AQP7: variants seen among roughly 807,000 people sequenced by gnomAD.
AQP7 encodes the protein aquaporin-7.
AQP7 carries 22 observed loss-of-function variants against 26.1 expected under a neutral mutation model. The observed-to-expected ratio is 0.84, with a 90% CI of 0.60 to 1.20. The LOEUF (loss-of-function observed/expected upper bound fraction) is 1.20, where lower values mean the gene tolerates loss of function less well. Ranked by LOEUF, AQP7 falls within the 50% of genes most tolerant of loss-of-function variation. AQP7 has a pLI of 0.00. For missense variants in AQP7, 412 were observed against 457.5 expected (o/e 0.90, Z 0.91); for synonymous variants, 167 against 181.7 (o/e 0.92, Z 0.65).
chr9:33,401,224 G>C lies in AQP7; in HGVS notation c.26+13C>G. ...CAGGGGGCTGGAGGGTGAGAAGAGGGTGGGGTACTTACCGCCTGTGCCCGG... is the reference window on the plus strand; with the variant it reads ...CAGGGGGCTGGAGGGTGAGAAGAGGCTGGGGTACTTACCGCCTGTGCCCGG... On this transcript the variant is annotated intron_variant, in intron 2 of 7. Transcript: ENST00000297988. The C allele has an allele frequency of 6.5e-7, 1 of 1,549,234 alleles. No homozygotes were observed. Among genetic ancestry groups the C allele is most frequent in the Non-Finnish European group, 8.7e-7 (1 of 1,146,676 alleles).
chr9:33,386,019 T>C, intron 6 of AQP7, 58 bp downstream of exon 6: 1 of 1,604,574 alleles, frequency 6.2e-7, no homozygotes, highest in Non-Finnish European at 8.5e-7. Flanking sequence ...GACTCCCTGC[T>C]GGCTCCGTCC....
At chr9:33,399,042 C>G (rs1474409008) in intron 2 of AQP7, among the ~76,000 whole-genome samples, 2 of 149,978 alleles carry the variant, frequency 1.3e-5, no homozygotes, top group Non-Finnish European at 3.0e-5. Flanking sequence ...GGCACAGTCA[C>G]AGCTCACTGA....
intron 3 of AQP7, among the ~76,000 whole-genome samples, chr9:33,388,642 C>G (rs1000420197): frequency 1.9e-4 from 29 of 152,160 alleles, no homozygotes; most frequent in Non-Finnish European, 2.5e-4. Context: ...CTCCTTTAAC[C>G]CTTAACACCA....
intron 3 of AQP7, chr9:33,394,218 C>T (rs1464476636): frequency 2.0e-5 from 3 of 152,438 alleles, no homozygotes; most frequent in African/African-American, 7.2e-5. Context: ...ATTCTGTCTT[C>T]CACAGCCCTC....
intron 4 of AQP7, 50 bp from the exon 5 acceptor site, chr9:33,386,591 A>G: frequency 6.3e-7 from 1 of 1,579,604 alleles, no homozygotes; most frequent in Non-Finnish European, 8.6e-7. Context: ...AACAAACAAC[A>G]GTGACAAACA....
rs879423212 is a variant in AQP7 at position 33,399,600 on chromosome 9, C to CA, written c.26+1636dup. Among the ~76,000 whole-genome samples, 774 of 145,136 alleles carry CA rather than the reference C, an allele frequency of 5.3e-3. 9 individuals carry two copies. Among genetic ancestry groups the CA allele is most frequent in the Non-Finnish European group, 9.4e-3 (622 of 65,980 alleles). On this transcript the variant is annotated intron_variant, in intron 2 of 7. Coordinates refer to ENST00000297988, the MANE Select transcript of AQP7 (RefSeq NM_001170.3). ...TGGGCAACAGAGCAAGACTCCATCTCAAAAAAAAAAAATTTTTTTTTGTTG... is the reference window on the plus strand; with the variant it reads ...TGGGCAACAGAGCAAGACTCCATCTCAAAAAAAAAAAAATTTTTTTTTGTTG...
At chr9:33,388,355 C>T (rs527294620) in intron 3 of AQP7, among the ~76,000 whole-genome samples, 3 of 152,264 alleles carry the variant, frequency 2.0e-5, no homozygotes, top group South Asian at 2.1e-4. Flanking sequence ...TGCTTACATT[C>T]TCCCCAAACC....
At chr9:33,386,262 G>A (rs1206465005) in intron 5 of AQP7, 67 bp from the exon 6 acceptor site, 1 of 1,608,418 alleles carries the variant, frequency 6.2e-7, no homozygotes, top group Non-Finnish European at 8.5e-7. Flanking sequence ...CCAGAAATGA[G>A]GTTATAGGTT....
intron 1 of AQP7, 62 bp from the exon 2 acceptor site, chr9:33,401,349 T>A (rs1367606060): frequency 7.1e-6 from 10 of 1,408,224 alleles, no homozygotes; most frequent in Non-Finnish European, 9.8e-6. Context: ...CACACTTCCA[T>A]CAGACCTTGG....
intron 6 of AQP7, 36 bp downstream of exon 6, chr9:33,386,041 G>A (rs770202384): frequency 1.2e-5 from 19 of 1,611,268 alleles, no homozygotes; most frequent in Admixed American, 6.7e-5. Context: ...GAGGGGTGGA[G>A]GGCAGGGGGA....
rs201765021 is a variant in AQP7, at chr9:33,396,627, C to T, written c.27-1432G>A. On this transcript the variant is annotated intron_variant, in intron 2 of 7. Coordinates refer to ENST00000297988, the MANE Select transcript of AQP7 (RefSeq NM_001170.3). Reference sequence around the variant, plus strand: ...CAGGCCTTTGCACATGCCAGTCCTACGCCCAGAATGGTCCCCTGCCTCCCC... The same window carrying T: ...CAGGCCTTTGCACATGCCAGTCCTATGCCCAGAATGGTCCCCTGCCTCCCC... Among the ~76,000 whole-genome samples, 636 of 146,344 alleles carry T rather than the reference C, an allele frequency of 4.3e-3. 16 individuals are homozygous for T. In the East Asian group the frequency reaches 0.057, roughly 13 times the overall value.
In AQP7 at chr9:33,400,395, C is replaced by T. The variant is rs141426538; in HGVS notation, c.26+842G>A. Among the ~76,000 whole-genome samples, 889 of 152,028 alleles carry T rather than the reference C, an allele frequency of 5.8e-3. 14 individuals carry two copies. Among genetic ancestry groups the T allele is most frequent in the African/African-American group, 0.021 (850 of 41,428 alleles). On this transcript the variant is annotated intron_variant, in intron 2 of 7. Transcript: ENST00000297988. ...CCTTGGAGCAAAGCCATGAAGGAGA[C>T]GAGAGTGGGCTGTATGTTAGCTGCA...
At position 33,387,084 on chromosome 9, in the gene AQP7, G is replaced by A. The variant is rs1824906306; in HGVS notation, c.153C>T (p.Gly51=). Residue 51 remains glycine (G), a synonymous_variant, in exon 4 of 8, where the codon GGC becomes GGT. Transcript: ENST00000297988. ...FMSTYVMMVF[G]LGSVAHMVLN... ...GAACCATATGGGCCACGGAACCAAG[G>A]CCGAATACCTACAAGGGAGGGCCTC... 6.2e-7 allele frequency: 1 copy of A among 1,611,866 alleles called. No individual in the cohort carries two copies.
Position 33,395,956 on chromosome 9 carries a change from CTG to C in AQP7, c.27-763_27-762del, listed in dbSNP as rs546228630. On this transcript the variant is annotated intron_variant, in intron 2 of 7. Transcript: ENST00000297988. ...GTTGAATGAGTGAAAACTGGGGAATCTGTCTTACTCCCAACTAGATCCTCAGA... is the reference window on the plus strand; with the variant it reads ...GTTGAATGAGTGAAAACTGGGGAATCTCTTACTCCCAACTAGATCCTCAGA... 1.5e-3 allele frequency among the ~76,000 whole-genome samples: 224 copies of C among 152,324 alleles called. 2 individuals carry two copies. Among genetic ancestry groups the C allele is most frequent in the Non-Finnish European group, 3.2e-4 (22 of 68,030 alleles).
intron 2 of AQP7, among the ~76,000 whole-genome samples, chr9:33,400,145 G>A (rs1014707080): frequency 5.3e-5 from 8 of 152,178 alleles, no homozygotes; most frequent in African/African-American, 1.4e-4. Context: ...TGTCAACAGA[G>A]TGGCACTATT....
Position 33,385,732 on chromosome 9 carries a change from G to A in AQP7, c.660C>T (p.Asn220=), listed in dbSNP as rs1463660745. ...VVIIGVSLGM[N]TGYAINPSRD... ...GGGACGGGTTGATGGCATATCCTGTGTTCATGCCAAGGGACACCCCGATGA... is the reference window on the plus strand; with the variant it reads ...GGGACGGGTTGATGGCATATCCTGTATTCATGCCAAGGGACACCCCGATGA... The change falls in exon 7 of 8, where the codon AAC becomes AAT. Residue 220 remains asparagine (N), a synonymous_variant. Coordinates refer to ENST00000297988, the MANE Select transcript of AQP7 (RefSeq NM_001170.3). 1.9e-6 allele frequency: 3 copies of A among 1,613,976 alleles called. No homozygotes were observed. The highest frequency in any genetic ancestry group is 2.5e-6 in the Non-Finnish European group (3 of 1,180,038).
intron 3 of AQP7, chr9:33,394,079 C>G (rs1317955048): frequency 2.6e-5 from 4 of 152,618 alleles, no homozygotes; most frequent in Non-Finnish European, 4.4e-5. Flanking sequence ...AGCTCCAGCC[C>G]CTTGCATGTG....
intron 5 of AQP7, 81 bp from the exon 6 acceptor site, chr9:33,386,276 G>T: frequency 1.2e-6 from 2 of 1,602,802 alleles, no homozygotes; most frequent in Non-Finnish European, 1.7e-6. Flanking sequence ...ATAGGTTAGA[G>T]GGTGGGGGAT....
chr9:33,400,969 T>G (rs1341386291), intron 2 of AQP7: 1 of 535,998 alleles, frequency 1.9e-6, no homozygotes, highest in African/African-American at 1.9e-5. Flanking sequence ...TGAGAGGTGC[T>G]GAGTGCAGTT....
Sources: allele counts gnomAD v4.1 joint callset (sites outside exome capture counted in the v4.1 genomes callset), GRCh38; gene constraint gnomAD v4.1.1; transcripts MANE v1.5; gene names NCBI Gene and HGNC (gene_info 2026-07-23, HGNC 2026-07-21).